NAALADL2: variants seen among roughly 807,000 people sequenced by gnomAD.
NAALADL2 encodes N-acetylated alpha-linked acidic dipeptidase like 2.
A neutral mutation model predicts 87.2 loss-of-function variants in NAALADL2; 76 were observed. The ratio of observed to expected loss-of-function variants is 0.87; its 90% confidence interval spans 0.72 to 1.05. NAALADL2 has a LOEUF of 1.05. NAALADL2 is among the 50% of genes least tolerant of loss of function. The pLI, the probability that NAALADL2 is intolerant of heterozygous loss-of-function variation, is 0.00. For missense variants in NAALADL2, 1,089 were observed against 945.8 expected, an observed-to-expected ratio of 1.15 and a Z score of -1.99; for synonymous variants, 354 against 331.0, an observed-to-expected ratio of 1.07 and a Z score of -0.75.
At chr3:175,376,349 T>C (rs1476602462) in intron 5 of NAALADL2, among the ~76,000 whole-genome samples, 1 of 152,096 alleles carries the variant, frequency 6.6e-6, no homozygotes, top group African/African-American at 2.4e-5. Flanking sequence ...TTTACTTGAA[T>C]TTCATTTTAA....
At chr3:175,762,860 G>A (rs976105624) in intron 13 of NAALADL2, among the ~76,000 whole-genome samples, 1 of 152,080 alleles carries the variant, frequency 6.6e-6, no homozygotes, top group Non-Finnish European at 1.5e-5. Context: ...CGAGGCAGGC[G>A]GATCACGAGG....
At chr3:175,071,241 G>A (rs1454899567) in intron 1 of NAALADL2, among the ~76,000 whole-genome samples, 1 of 152,104 alleles carries the variant, frequency 6.6e-6, no homozygotes, top group Non-Finnish European at 1.5e-5. Flanking sequence ...TTGTTTTGGT[G>A]TAAAGAATGT....
chr3:174,924,321 T>G (rs1015109313), intron 1 of NAALADL2, among the ~76,000 whole-genome samples: 1 of 151,352 alleles, frequency 6.6e-6, no homozygotes, highest in Non-Finnish European at 1.5e-5. Context: ...GTTTGGTTTT[T>G]TGTCCCTGTG....
chr3:175,125,548 TG>T (rs1265189558), intron 2 of NAALADL2, among the ~76,000 whole-genome samples: 1 of 152,038 alleles, frequency 6.6e-6, no homozygotes, highest in African/African-American at 2.4e-5. Context: ...CGGGATCCTT[TG>T]ATTGATTACA....
chr3:175,423,051 A>ATATATATATTTTTT (rs1458599872), intron 5 of NAALADL2, among the ~76,000 whole-genome samples: 2 of 91,506 alleles, frequency 2.2e-5, no homozygotes, highest in African/African-American at 8.4e-5. Context: ...ATATATATAT[A>ATATATATATTTTTT]TTTTTTTTTT....
chr3:174,663,793 T>TC (rs1389227067), intron 2 of NAALADL2, among the ~76,000 whole-genome samples: 1 of 80,242 alleles, frequency 1.2e-5, no homozygotes, highest in Non-Finnish European at 3.0e-5. Flanking sequence ...CTTTTTTTTT[T>TC]CTTTTTTTTT....
chr3:174,773,291 C>T (rs1275331186), intron 3 of NAALADL2, among the ~76,000 whole-genome samples: 1 of 151,952 alleles, frequency 6.6e-6, no homozygotes, highest in African/African-American at 2.4e-5. Context: ...AAAAACTTTT[C>T]TCTTTCCTGT....
intron 2 of NAALADL2, among the ~76,000 whole-genome samples, chr3:174,700,995 AAG>A (rs910985387): frequency 6.6e-6 from 1 of 152,122 alleles, no homozygotes; most frequent in African/African-American, 2.4e-5. Flanking sequence ...ATCCACTGTT[AAG>A]AGTGTTAAGA....
At chr3:174,885,380 A>G (rs1276241031) in intron 1 of NAALADL2, among the ~76,000 whole-genome samples, 1 of 152,126 alleles carries the variant, frequency 6.6e-6, no homozygotes, top group Admixed American at 6.6e-5. Flanking sequence ...CGCTGAGTTC[A>G]TCATTTTCTT....
chr3:175,380,210 A>G (rs182977204), intron 5 of NAALADL2, among the ~76,000 whole-genome samples: 1 of 152,142 alleles, frequency 6.6e-6, no homozygotes, highest in Non-Finnish European at 1.5e-5. Flanking sequence ...AATAATAATT[A>G]AAAAAATAAA....
At chr3:175,269,654 T>TGGTC (rs1301824921) in intron 4 of NAALADL2, among the ~76,000 whole-genome samples, 1 of 152,218 alleles carries the variant, frequency 6.6e-6, no homozygotes, top group African/African-American at 2.4e-5. Context: ...ATAAGTAGGA[T>TGGTC]GGTCACTGCT....
At chr3:175,674,927 C>G (rs1472753424) in intron 11 of NAALADL2, among the ~76,000 whole-genome samples, 3 of 152,014 alleles carry the variant, frequency 2.0e-5, no homozygotes, top group Non-Finnish European at 4.4e-5. Flanking sequence ...TGAGAAATAT[C>G]AAACTTAATA....
intron 3 of NAALADL2, among the ~76,000 whole-genome samples, chr3:175,240,798 G>C (rs575974840): frequency 7.9e-5 from 12 of 152,262 alleles, no homozygotes; most frequent in African/African-American, 2.9e-4. Flanking sequence ...TGGGATTACA[G>C]GCATGTGCCA....
At chr3:174,710,405 C>T (rs1381380949) in intron 2 of NAALADL2, among the ~76,000 whole-genome samples, 1 of 151,968 alleles carries the variant, frequency 6.6e-6, no homozygotes, top group Admixed American at 6.6e-5. Flanking sequence ...CAAGAATGCA[C>T]CACCACACCC....
At chr3:175,571,232 G>A (rs1473074231) in intron 9 of NAALADL2, among the ~76,000 whole-genome samples, 1 of 152,146 alleles carries the variant, frequency 6.6e-6, no homozygotes, top group Non-Finnish European at 1.5e-5. Context: ...ATTTAGGACT[G>A]AGGTAGTGAT....
intron 3 of NAALADL2, among the ~76,000 whole-genome samples, chr3:174,845,274 G>A (rs16865031): frequency 0.012 from 1,899 of 152,266 alleles, 46 homozygotes; most frequent in African/African-American, 0.044. Flanking sequence ...CAGCTGTGCA[G>A]GATTTTCTAT....
At chr3:175,497,765 A>C (rs1237490767) in intron 9 of NAALADL2, among the ~76,000 whole-genome samples, 1 of 152,162 alleles carries the variant, frequency 6.6e-6, no homozygotes, top group African/African-American at 2.4e-5. Flanking sequence ...TTAAAAATGC[A>C]TATGCAGTAT....
At chr3:174,655,993 A>T (rs1724880646) in intron 2 of NAALADL2, among the ~76,000 whole-genome samples, 1 of 152,216 alleles carries the variant, frequency 6.6e-6, no homozygotes. Context: ...CAAGTGAGTT[A>T]TGTGTATCAA....
At chr3:175,349,421 T>C (rs1763503086) in intron 5 of NAALADL2, among the ~76,000 whole-genome samples, 1 of 151,418 alleles carries the variant, frequency 6.6e-6, no homozygotes, top group South Asian at 2.1e-4. Context: ...GACTAGAGTG[T>C]GCGGAGGGGG....
Sources: gnomAD v4.1 joint callset for allele counts (sites outside exome capture counted in the v4.1 genomes callset) on GRCh38, gnomAD v4.1.1 for gene constraint, MANE v1.5 for transcripts, NCBI Gene and HGNC (gene_info 2026-07-23, HGNC 2026-07-21) for gene names.